Variants in ANKS1B observed in about 807,000 individuals in gnomAD.
ANKS1B encodes ankyrin repeat and sterile alpha motif domain-containing protein 1B.
ANKS1B carries 36 observed loss-of-function variants against 148.3 expected under a neutral mutation model. That is an observed-to-expected ratio of 0.24 (90% confidence interval 0.19 to 0.32). ANKS1B has a LOEUF of 0.32. Among genes scored for constraint, ANKS1B ranks in the 10% least tolerant of loss-of-function variants. The pLI is 1.00. For missense variants in ANKS1B, 1,157 were observed against 1,542.6 expected, an observed-to-expected ratio of 0.75 and a Z score of 4.19; for synonymous variants, 542 against 560.8, an observed-to-expected ratio of 0.97 and a Z score of 0.47.
intron 12 of ANKS1B, among the ~76,000 whole-genome samples, chr12:99,281,426 G>A (rs2078441297): frequency 6.6e-6 from 1 of 152,072 alleles, no homozygotes; most frequent in Non-Finnish European, 1.5e-5. Context: ...ATAGTAGAGG[G>A]GTGCTTTACC....
At chr12:99,827,112 C>T (rs2083296656) in intron 1 of ANKS1B, among the ~76,000 whole-genome samples, 1 of 151,898 alleles carries the variant, frequency 6.6e-6, no homozygotes, top group Admixed American at 6.6e-5. Flanking sequence ...GAGCAAGACC[C>T]TGCCACCCCC....
intron 12 of ANKS1B, among the ~76,000 whole-genome samples, chr12:99,385,455 C>A (rs1485411609): frequency 6.6e-6 from 1 of 152,000 alleles, no homozygotes; most frequent in Non-Finnish European, 1.5e-5. Context: ...GGCAACAGAG[C>A]GAGGCTGTGT....
intron 1 of ANKS1B, among the ~76,000 whole-genome samples, chr12:99,930,069 A>G (rs1043696087): frequency 6.6e-6 from 1 of 151,894 alleles, no homozygotes; most frequent in Non-Finnish European, 1.5e-5. Flanking sequence ...ATGGCATTGA[A>G]TCTATAAATT....
intron 4 of ANKS1B, among the ~76,000 whole-genome samples, chr12:99,804,940 C>A (rs1177717708): frequency 6.6e-6 from 1 of 152,066 alleles, no homozygotes; most frequent in Non-Finnish European, 1.5e-5. Context: ...GGCAGTCTCA[C>A]CTATCACCCT....
intron 8 of ANKS1B, among the ~76,000 whole-genome samples, chr12:99,679,017 T>A (rs955436397): frequency 3.9e-5 from 6 of 152,154 alleles, no homozygotes; most frequent in African/African-American, 1.4e-4. Context: ...ACTCTTGAAT[T>A]TTAAAGTTCA....
At chr12:99,083,592 T>C (rs927205732) in intron 16 of ANKS1B, among the ~76,000 whole-genome samples, 2 of 152,202 alleles carry the variant, frequency 1.3e-5, no homozygotes, top group African/African-American at 4.8e-5. Flanking sequence ...CTTCCTCTTT[T>C]TAAAATTATT....
intron 1 of ANKS1B, among the ~76,000 whole-genome samples, chr12:99,916,251 T>A (rs1022106373): frequency 1.8e-4 from 28 of 152,312 alleles, no homozygotes; most frequent in African/African-American, 6.3e-4. Context: ...GGGGAAGTGC[T>A]GCCATATAAC....
intron 17 of ANKS1B, among the ~76,000 whole-genome samples, chr12:99,026,958 G>A (rs2099949104): frequency 6.6e-6 from 1 of 152,164 alleles, no homozygotes; most frequent in Non-Finnish European, 1.5e-5. Flanking sequence ...GAAATGCGGG[G>A]ATGAATCCTT....
chr12:99,744,029 C>A (rs993920368), intron 8 of ANKS1B, among the ~76,000 whole-genome samples: 1 of 152,156 alleles, frequency 6.6e-6, no homozygotes, highest in African/African-American at 2.4e-5. Flanking sequence ...ATGGGTTCCA[C>A]GTCTGCAGAC....
rs556740074 is a variant in ANKS1B at position 98,813,532 on chromosome 12, GT to G, written c.3067-5615del. ...GTGCCCAGTCTTAAATTTAAGTTTTGTTTTTTTTTTTCTTTTTTGGTGGCAT... is the reference window on the plus strand; with the variant it reads ...GTGCCCAGTCTTAAATTTAAGTTTTGTTTTTTTTTTCTTTTTTGGTGGCAT... On this transcript the variant is annotated intron_variant, in intron 19 of 26. Coordinates refer to ENST00000683438, the MANE Select transcript of ANKS1B (RefSeq NM_001352186.2). Among the ~76,000 whole-genome samples the G allele has an allele frequency of 1.5e-3, 217 of 141,552 alleles. 1 individual carries two copies. Among genetic ancestry groups the G allele is most frequent in the Non-Finnish European group, 2.1e-3 (136 of 64,228 alleles). The allele number at this position is 141,552 out of a possible 152,430, so 92.9% of individuals were successfully genotyped here.
chr12:99,292,446 C>T (rs1224221504), intron 12 of ANKS1B, among the ~76,000 whole-genome samples: 1 of 150,690 alleles, frequency 6.6e-6, no homozygotes, highest in Non-Finnish European at 1.5e-5. Flanking sequence ...ACCTGGGAGG[C>T]GGAGCTTTCA....
chr12:98,980,248 T>C (rs1474938874), intron 17 of ANKS1B, among the ~76,000 whole-genome samples: 1 of 152,342 alleles, frequency 6.6e-6, no homozygotes, highest in East Asian at 1.9e-4. Context: ...TCCCCCAGGC[T>C]GGAGTGCAGT....
At chr12:98,814,205 TC>T (rs1197650293) in intron 19 of ANKS1B, among the ~76,000 whole-genome samples, 4 of 152,190 alleles carry the variant, frequency 2.6e-5, no homozygotes, top group African/African-American at 4.8e-5. Context: ...AATGTCTTCA[TC>T]TGTAAAGAAG....
chr12:99,567,988 T>A (rs771506844), intron 9 of ANKS1B, among the ~76,000 whole-genome samples: 1 of 152,186 alleles, frequency 6.6e-6, no homozygotes, highest in South Asian at 2.1e-4. Flanking sequence ...ACAAGGACAA[T>A]TTATTATTTC....
At chr12:99,138,861 CAT>C (rs2069053578) in intron 15 of ANKS1B, among the ~76,000 whole-genome samples, 1 of 152,152 alleles carries the variant, frequency 6.6e-6, no homozygotes, top group Admixed American at 6.5e-5. Context: ...CACTCCAGCT[CAT>C]AGATATCTCT....
intron 8 of ANKS1B, among the ~76,000 whole-genome samples, chr12:99,734,556 A>C (rs904997934): frequency 2.7e-4 from 41 of 152,148 alleles, no homozygotes; most frequent in Admixed American, 3.9e-4. Context: ...AGCCTCCCAA[A>C]GTGCTGGGAT....
intron 15 of ANKS1B, among the ~76,000 whole-genome samples, chr12:99,128,708 G>T (rs1688052048): frequency 6.6e-6 from 1 of 152,192 alleles, no homozygotes; most frequent in Non-Finnish European, 1.5e-5. Flanking sequence ...AGCATTATGA[G>T]AAATTTTCCA....
chr12:98,910,620 C>A (rs1164281655), intron 17 of ANKS1B, among the ~76,000 whole-genome samples: 1 of 152,116 alleles, frequency 6.6e-6, no homozygotes, highest in Non-Finnish European at 1.5e-5. Flanking sequence ...GACTTATAAA[C>A]CAATATGTAA....
At chr12:99,650,193 A>T (rs1598850205) in intron 9 of ANKS1B, 3 of 152,202 alleles carry the variant, frequency 2.0e-5, no homozygotes, top group South Asian at 4.1e-4. Flanking sequence ...ACAGAATAAA[A>T]TGTTGAAGAT....
Sources: gnomAD v4.1 joint callset for allele counts (sites outside exome capture counted in the v4.1 genomes callset) on GRCh38, gnomAD v4.1.1 for gene constraint, MANE v1.5 for transcripts, NCBI Gene and HGNC (gene_info 2026-07-23, HGNC 2026-07-21) for gene names.